LTBP2: variants seen among roughly 807,000 people sequenced by gnomAD.
LTBP2 encodes the protein latent-transforming growth factor beta-binding protein 2.
A neutral mutation model predicts 210.6 loss-of-function variants in LTBP2; 103 were observed. The observed-to-expected ratio is 0.49, with a 90% CI of 0.42 to 0.58. LTBP2 has a LOEUF of 0.58. Among genes scored for constraint, LTBP2 ranks in the 20% least tolerant of loss-of-function variants. LTBP2 has a pLI of 0.00. For synonymous variants in LTBP2, 1,007 were observed against 1,015.0 expected, an observed-to-expected ratio of 0.99 and a Z score of 0.15; for missense variants, 2,313 against 2,494.5, an observed-to-expected ratio of 0.93 and a Z score of 1.55.
intron 3 of LTBP2, among the ~76,000 whole-genome samples, chr14:74,581,444 G>T (rs2088135110): frequency 6.6e-6 from 1 of 152,178 alleles, no homozygotes; most frequent in African/African-American, 2.4e-5. Context: ...GAGTGAGTCA[G>T]GGAGACAGAC....
intron 3 of LTBP2, among the ~76,000 whole-genome samples, chr14:74,584,368 A>G (rs1026236136): frequency 2.0e-5 from 3 of 152,166 alleles, no homozygotes; most frequent in Non-Finnish European, 4.4e-5. Flanking sequence ...GGATCAGTGC[A>G]TCATAAATAA....
intron 2 of LTBP2, among the ~76,000 whole-genome samples, chr14:74,599,561 C>T (rs1405453932): frequency 6.6e-6 from 1 of 152,256 alleles, no homozygotes; most frequent in Non-Finnish European, 1.5e-5. Flanking sequence ...GCTGCCTCCA[C>T]AAATACATAA....
intron 8 of LTBP2, among the ~76,000 whole-genome samples, chr14:74,545,214 G>A (rs544933060): frequency 5.9e-5 from 9 of 152,104 alleles, no homozygotes; most frequent in Non-Finnish European, 1.2e-4. Context: ...TGGAATCCTG[G>A]CTCTACCTGC....
intron 8 of LTBP2, among the ~76,000 whole-genome samples, chr14:74,536,416 T>G (rs1173938710): frequency 1.3e-5 from 2 of 152,234 alleles, no homozygotes; most frequent in Non-Finnish European, 2.9e-5. Context: ...TGACTATGGT[T>G]AATAACAGTG....
At chr14:74,562,580 C>G (rs984606771) in intron 3 of LTBP2, among the ~76,000 whole-genome samples, 3 of 151,866 alleles carry the variant, frequency 2.0e-5, no homozygotes, top group African/African-American at 4.8e-5. Flanking sequence ...CAGAGACCAA[C>G]AGCCTTAAAA....
intron 3 of LTBP2, among the ~76,000 whole-genome samples, chr14:74,582,764 C>T (rs572341722): frequency 6.6e-6 from 1 of 152,196 alleles, no homozygotes; most frequent in African/African-American, 2.4e-5. Context: ...TGTGGGACCA[C>T]GTTAGAGCTG....
chr14:74,508,517 G>T, intron 24 of LTBP2, 87 bp downstream of exon 24: 3 of 1,543,516 alleles, frequency 1.9e-6, no homozygotes, highest in Middle Eastern at 2.2e-4. Flanking sequence ...GTCTTAGCCT[G>T]TAGCGCCCAT....
At chr14:74,603,175 T>C (rs1278668070) in intron 2 of LTBP2, among the ~76,000 whole-genome samples, 1 of 152,176 alleles carries the variant, frequency 6.6e-6, no homozygotes, top group Non-Finnish European at 1.5e-5. Context: ...TCGCCCAGTC[T>C]GGAGTGCAGT....
chr14:74,602,736 T>C (rs2088465785), intron 2 of LTBP2, among the ~76,000 whole-genome samples: 1 of 152,234 alleles, frequency 6.6e-6, no homozygotes, highest in African/African-American at 2.4e-5. Flanking sequence ...TCTTCCTAAC[T>C]CACTCCTTGG....
intron 34 of LTBP2, 104 bp from the exon 35 acceptor site, chr14:74,501,694 C>T (rs2086913323): frequency 2.1e-6 from 3 of 1,434,178 alleles, no homozygotes; most frequent in African/African-American, 2.8e-5. Context: ...CCCTGTGGAA[C>T]TGTGGGGGTG....
chr14:74,505,782 G>A (rs747235662), intron 28 of LTBP2, among the ~76,000 whole-genome samples: 3 of 152,126 alleles, frequency 2.0e-5, no homozygotes, highest in Non-Finnish European at 2.9e-5. Flanking sequence ...CTCAATCTGC[G>A]GTCCCTGGGG....
chr14:74,528,112 T>C (rs1484515118), intron 12 of LTBP2, among the ~76,000 whole-genome samples: 1 of 152,152 alleles, frequency 6.6e-6, no homozygotes. Flanking sequence ...GGGTCTGACA[T>C]GCAGGTCCCC....
Position 74,574,979 on chromosome 14 carries a change from G to A in LTBP2, c.830+10875C>T, listed in dbSNP as rs765790643. Among the ~76,000 whole-genome samples, 4 of 151,716 alleles carry A rather than the reference G, an allele frequency of 2.6e-5. No individual in the cohort carries two copies. The East Asian group carries it at 5.8e-4, about 22-fold the overall frequency. On this transcript the variant is annotated intron_variant, in intron 3 of 35. Transcript: ENST00000261978. Reference sequence around the variant, plus strand: ...CCTGAGCACTCAGAGGCCTGAGCTCGGCATCCTCACCAACCCAGAGATGTC... The same window carrying A: ...CCTGAGCACTCAGAGGCCTGAGCTCAGCATCCTCACCAACCCAGAGATGTC...
At chr14:74,512,667 G>A (rs775313410) in intron 18 of LTBP2, among the ~76,000 whole-genome samples, 3 of 152,218 alleles carry the variant, frequency 2.0e-5, no homozygotes, top group African/African-American at 4.8e-5. Context: ...TCCAGAAGAC[G>A]GGGACATCGC....
In LTBP2 at chr14:74,609,429, AC is replaced by A. The variant is rs1397887447; in HGVS notation, c.494+2021del. Reference sequence around the variant, plus strand: ...TCTAATAGTGCACCCTCCAGCCCCCACGCTCCACTTCCCCACCTTCCCCCGC... The same window carrying A: ...TCTAATAGTGCACCCTCCAGCCCCCAGCTCCACTTCCCCACCTTCCCCCGC... On this transcript the variant is annotated intron_variant, in intron 1 of 35. Coordinates refer to ENST00000261978, the MANE Select transcript of LTBP2 (RefSeq NM_000428.3). 2.7e-5 allele frequency among the ~76,000 whole-genome samples: 4 copies of A among 150,672 alleles called. No homozygotes were observed. The East Asian group carries it at 7.9e-4, about 30-fold the overall frequency.
intron 3 of LTBP2, among the ~76,000 whole-genome samples, chr14:74,580,248 G>A (rs188786844): frequency 2.0e-5 from 3 of 152,124 alleles, no homozygotes; most frequent in South Asian, 2.1e-4. Flanking sequence ...GTTTTGATGC[G>A]GGTTGAATTG....
chr14:74,573,667 A>C (rs1314844799), intron 3 of LTBP2, among the ~76,000 whole-genome samples: 1 of 152,220 alleles, frequency 6.6e-6, no homozygotes, highest in Non-Finnish European at 1.5e-5. Flanking sequence ...GGGATACTCC[A>C]CCATTATTCA....
At chr14:74,605,241 T>G (rs1877212788) in intron 1 of LTBP2, among the ~76,000 whole-genome samples, 1 of 152,252 alleles carries the variant, frequency 6.6e-6, no homozygotes, top group African/African-American at 2.4e-5. Context: ...ATGTGGTTTT[T>G]GGAGTCTTAC....
chr14:74,587,831 C>G (rs1340293335), intron 2 of LTBP2, among the ~76,000 whole-genome samples: 1 of 152,202 alleles, frequency 6.6e-6, no homozygotes, highest in East Asian at 1.9e-4. Context: ...AAAATTCCAC[C>G]TGGCCCATGT....
Sources: gnomAD v4.1 joint callset for allele counts (sites outside exome capture counted in the v4.1 genomes callset) on GRCh38, gnomAD v4.1.1 for gene constraint, MANE v1.5 for transcripts, NCBI Gene and HGNC (gene_info 2026-07-23, HGNC 2026-07-21) for gene names.